The following SLC19A1 variants were observed in gnomAD, a reference collection of about 807,000 sequenced individuals.
SLC19A1 encodes the protein solute carrier family 19 member 1.
SLC19A1 carries 37 observed loss-of-function variants against 35.3 expected under a neutral mutation model. The observed-to-expected ratio is 1.05, with a 90% CI of 0.81 to 1.38. SLC19A1 has a LOEUF of 1.38. Among genes scored for constraint, SLC19A1 ranks in the 40% most tolerant of loss-of-function variants. The pLI, the probability that SLC19A1 is intolerant of heterozygous loss-of-function variation, is 0.00. For missense variants in SLC19A1, 831 were observed against 826.9 expected (o/e 1.00, Z -0.06); for synonymous variants, 460 against 398.5 (o/e 1.15, Z -1.84).
chr21:45,515,025 C>G lies in SLC19A1; in HGVS notation c.*633G>C. On this transcript the variant is annotated 3_prime_UTR_variant, in exon 6 of 6. Coordinates refer to ENST00000311124, the MANE Select transcript of SLC19A1 (RefSeq NM_194255.4). Reference sequence around the variant, plus strand: ...ACAGACAGGACCATGGAGGGCTGCCCTTAGGGTGGGAGAGAGGAACCAGCT... The same window carrying G: ...ACAGACAGGACCATGGAGGGCTGCCGTTAGGGTGGGAGAGAGGAACCAGCT... 6.5e-7 allele frequency: 1 copy of G among 1,539,074 alleles called. No individual in the cohort carries two copies. The highest frequency in any genetic ancestry group is 8.7e-7 in the Non-Finnish European group (1 of 1,143,706).
intron 3 of SLC19A1, chr21:45,505,203 T>G: frequency 6.2e-7 from 1 of 1,603,752 alleles, no homozygotes; most frequent in Non-Finnish European, 8.5e-7. Flanking sequence ...CGGCATCGGC[T>G]ACGAGGGGCG....
chr21:45,525,390 G>A (rs2077573503), intron 5 of SLC19A1, among the ~76,000 whole-genome samples: 1 of 152,232 alleles, frequency 6.6e-6, no homozygotes, highest in Non-Finnish European at 1.5e-5. Flanking sequence ...GCCCGCGAGA[G>A]GTGGGAAAGG....
At chr21:45,558,461 G>A (rs1306491958) in intron 1 of SLC19A1, among the ~76,000 whole-genome samples, 1 of 152,248 alleles carries the variant, frequency 6.6e-6, no homozygotes, top group African/African-American at 2.4e-5. Flanking sequence ...CGCAGAAGGG[G>A]TGCTGGCCGG....
rs1409371001 is a variant in SLC19A1 at position 45,530,269 on chromosome 21, TGA to T, written c.1151+499_1151+500del. Among the ~76,000 whole-genome samples, 3 of 151,380 alleles carry T rather than the reference TGA, an allele frequency of 2.0e-5. No homozygotes were observed. The East Asian group carries it at 5.8e-4, about 29-fold the overall frequency. ...TGTTCATGTGCGATATATCCATGTG[TGA>T]GTGTGGTGTGTTTGTCCATGTGTGC... On this transcript the variant is annotated intron_variant, in intron 4 of 5. Coordinates refer to ENST00000311124, the MANE Select transcript of SLC19A1 (RefSeq NM_194255.4). The surrounding 1 kb of genome is among the most constrained non-coding windows in gnomAD (Gnocchi z 5.3).
At chr21:45,504,153 TC>T (rs1352623756) in intron 3 of SLC19A1, 1 of 1,392,996 alleles carries the variant, frequency 7.2e-7, no homozygotes, top group Non-Finnish European at 1.0e-6. Flanking sequence ...CAAGCCCCCT[TC>T]CTGTTCAGCC....
intron 1 of SLC19A1, among the ~76,000 whole-genome samples, chr21:45,555,139 A>C (rs1047960713): frequency 4.1e-4 from 41 of 100,196 alleles, no homozygotes; most frequent in Non-Finnish European, 8.0e-4. Flanking sequence ...CTCGCGACGC[A>C]GGGGGCGGTG....
chr21:45,534,522 T>C lies in SLC19A1; in HGVS notation c.190-2374A>G. On this transcript the variant is annotated intron_variant, in intron 2 of 5. Coordinates refer to ENST00000311124, the MANE Select transcript of SLC19A1 (RefSeq NM_194255.4). This position sits in a 1 kb window ranked among gnomAD's most constrained non-coding sequence, Gnocchi z 4.2. ...TCTGGAAAAGGGCGGCCAGGGGTCC[T>C]AGAAGCCTCACCCACCTCCGAATGA... The C allele has an allele frequency of 6.5e-7, 1 of 1,532,168 alleles. No homozygotes were observed. The highest frequency in any genetic ancestry group is 8.7e-7 in the Non-Finnish European group (1 of 1,143,688). The allele number at this position is 1,532,168 out of a possible 1,614,324, so 94.9% of individuals were successfully genotyped here.
chr21:45,543,302 G>A (rs1023137048), upstream of SLC19A1, among the ~76,000 whole-genome samples: 4 of 152,212 alleles, frequency 2.6e-5, no homozygotes, highest in Non-Finnish European at 5.9e-5. Flanking sequence ...TTCCCCTGGA[G>A]TTACCCAGGG....
rs577041399 is a variant in SLC19A1 at position 45,505,865 on chromosome 21, A to C, written c.498-7253T>G. The C allele has an allele frequency of 3.1e-6, 5 of 1,593,210 alleles. No individual in the cohort carries two copies. In the African/African-American group the frequency reaches 5.4e-5, roughly 17 times the overall value. On this transcript the variant is annotated intron_variant, in intron 3 of 4. Transcript: ENST00000417954. ...GAGGCTCTGGGCTACACGCCAGGCC[A>C]TGCTGGGCCAGGTGCACGAGGTTCC... is the stretch of plus-strand genomic sequence containing the variant.
chr21:45,508,556 G>A (rs531130532), downstream of SLC19A1, among the ~76,000 whole-genome samples: 11 of 152,224 alleles, frequency 7.2e-5, no homozygotes, highest in South Asian at 1.5e-3. Context: ...AAATATTTTC[G>A]TTTTCCTAAG....
downstream of SLC19A1, chr21:45,511,024 C>G: frequency 3.0e-6 from 1 of 330,502 alleles, no homozygotes; most frequent in South Asian, 1.8e-5. Context: ...CACATCCACA[C>G]CCCACATCCA....
At chr21:45,531,291 G>A in intron 3 of SLC19A1, 98 bp downstream of exon 3, 1 of 1,395,980 alleles carries the variant, frequency 7.2e-7, no homozygotes, top group East Asian at 2.4e-5. Flanking sequence ...GGGGCAGGGG[G>A]CGGGAGAGGG....
At chr21:45,528,394 C>T (rs140275653) in intron 4 of SLC19A1, among the ~76,000 whole-genome samples, 5 of 152,092 alleles carry the variant, frequency 3.3e-5, no homozygotes, top group South Asian at 4.2e-4. Flanking sequence ...GGGAGGAAAG[C>T]GAGTCCCAAC....
intron 5 of SLC19A1, among the ~76,000 whole-genome samples, chr21:45,516,349 G>C (rs1888529): frequency 0.44 from 66,328 of 152,112 alleles, 14,535 homozygotes; most frequent in East Asian, 0.55. Flanking sequence ...CAGGCCTGAA[G>C]GGGGGTTCCC....
intron 4 of SLC19A1, among the ~76,000 whole-genome samples, chr21:45,526,922 C>G (rs1299573693): frequency 6.6e-6 from 1 of 152,228 alleles, no homozygotes; most frequent in African/African-American, 2.4e-5. Flanking sequence ...ATGGGTGTCA[C>G]AAAACACAAA....
At position 45,513,947 on chromosome 21, in the gene SLC19A1, T is replaced by A. The variant is rs541438221; in HGVS notation, c.*1711A>T. The A allele has an allele frequency of 6.6e-6, 1 of 152,344 alleles. No homozygotes were observed. The highest frequency in any genetic ancestry group is 1.5e-5 in the Non-Finnish European group (1 of 68,058). The allele number at this position is 152,344 out of a possible 1,614,324, so 9.4% of individuals were successfully genotyped here. ...ACAGGTACACAGGCATGCACGGGTG[T>A]GTGGACACACACCAACACTCTTAGG... On this transcript the variant is annotated 3_prime_UTR_variant, in exon 6 of 6. Transcript: ENST00000311124.
At chr21:45,539,589 T>G (rs898927336) in intron 1 of SLC19A1, among the ~76,000 whole-genome samples, 1 of 152,302 alleles carries the variant, frequency 6.6e-6, no homozygotes, top group Admixed American at 6.5e-5. Context: ...AGTCTTCACG[T>G]ATCAGAGACC....
At chr21:45,503,123 C>A (rs2036953969) in intron 3 of SLC19A1, among the ~76,000 whole-genome samples, 1 of 152,146 alleles carries the variant, frequency 6.6e-6, no homozygotes, top group Non-Finnish European at 1.5e-5. Context: ...ATTTCTAGTT[C>A]TAGATCCCTG....
rs570806975 is a variant in SLC19A1 at position 45,534,776 on chromosome 21, C to T, written c.190-2628G>A. On this transcript the variant is annotated intron_variant, in intron 2 of 5. Transcript: ENST00000311124. The surrounding 1 kb of genome is among the most constrained non-coding windows in gnomAD (Gnocchi z 4.2). Reference sequence around the variant, plus strand: ...CTCTGCCCAGAGCTGTGACCTGCGTCCCACTTACAAGGCTGCTGGGGGAGG... The same window carrying T: ...CTCTGCCCAGAGCTGTGACCTGCGTTCCACTTACAAGGCTGCTGGGGGAGG... 1.4e-3 allele frequency: 819 copies of T among 604,448 alleles called. 4 individuals are homozygous for T. The highest frequency in any genetic ancestry group is 0.013 in the African/African-American group (721 of 53,644). The allele number at this position is 604,448 out of a possible 1,614,324, so 37.4% of individuals were successfully genotyped here.
Sources: gnomAD v4.1 joint callset for allele counts (sites outside exome capture counted in the v4.1 genomes callset) on GRCh38, gnomAD v4.1.1 for gene constraint, Gnocchi (gnomAD v3.1) non-coding constraint, MANE v1.5 for transcripts, NCBI Gene and HGNC (gene_info 2026-07-23, HGNC 2026-07-21) for gene names.